ZSWIM9: variants seen among roughly 807,000 people sequenced by gnomAD.
The protein encoded by ZSWIM9 is zinc finger SWIM-type containing 9, also known as uncharacterized protein ZSWIM9.
Under a neutral mutation model 25.0 loss-of-function variants are expected in ZSWIM9, and 11 were observed. That is an observed-to-expected ratio of 0.44 (90% CI 0.28 to 0.73). The LOEUF is 0.73. Ranked by LOEUF, ZSWIM9 falls within the 30% of genes least tolerant of loss-of-function variation. The probability of loss-of-function intolerance (pLI) is 0.16; values close to 1 mark genes in which losing one functional copy is unlikely to be tolerated. For synonymous variants in ZSWIM9, 562 were observed against 582.1 expected (o/e 0.97, Z 0.50); for missense variants, 1,070 against 1,296.5 (o/e 0.83, Z 2.68).
At position 48,182,791 on chromosome 19, in the gene ZSWIM9, C is replaced by T. The variant is rs556541283; in HGVS notation, c.588+24C>T. 33 of 1,500,966 alleles carry T rather than the reference C, an allele frequency of 2.2e-5. No homozygotes were observed. The highest frequency in any genetic ancestry group is 1.8e-4 in the Middle Eastern group (1 of 5,706). 93.0% of individuals were successfully genotyped at this position (1,500,966 alleles called of 1,614,324 possible). A position where few individuals can be genotyped will look rare whatever the true frequency, so the allele number is the denominator to read the frequency against. On this transcript the variant is annotated intron_variant, in intron 3 of 3. Coordinates refer to ENST00000614654, the MANE Select transcript of ZSWIM9 (RefSeq NM_199341.4). The surrounding 1 kb of genome is among the most constrained non-coding windows in gnomAD (Gnocchi z 4.6). ...AGGTGGGGTCTCGAGAGAGGCAGGC[C>T]GGGGGAGGGGGCGGGGGAAAGCCGC... is the stretch of plus-strand genomic sequence containing the variant.
chr19:48,192,402 A>G (rs1299169990), intron 3 of ZSWIM9, among the ~76,000 whole-genome samples: 1 of 137,984 alleles, frequency 7.2e-6, no homozygotes, highest in African/African-American at 2.7e-5. Flanking sequence ...GTGAGCCAAG[A>G]TCACGCCACT....
At chr19:48,188,432 T>C (rs1312286316) in intron 3 of ZSWIM9, among the ~76,000 whole-genome samples, 3 of 151,976 alleles carry the variant, frequency 2.0e-5, no homozygotes, top group Admixed American at 6.5e-5. Flanking sequence ...TTTCATCATG[T>C]TGGCCAGAAT....
In ZSWIM9 at chr19:48,170,703, C is replaced by A. The variant is rs570490312; in HGVS notation, c.-21C>A. ...GCATTGTGGGAGGTGGACGCCGCTC[C>A]GGGGCGGGTAGGTGAGTGGGGAGGG... On this transcript the variant is annotated 5_prime_UTR_variant, in exon 1 of 4. Transcript: ENST00000614654. 4 of 156,488 alleles carry A rather than the reference C, an allele frequency of 2.6e-5. No individual in the cohort carries two copies. Among genetic ancestry groups the A allele is most frequent in the Non-Finnish European group, 3.8e-5 (3 of 79,398 alleles). 9.7% of individuals were successfully genotyped at this position (156,488 alleles called of 1,614,324 possible).
At chr19:48,191,583 T>C (rs886893124) in intron 3 of ZSWIM9, among the ~76,000 whole-genome samples, 2 of 152,182 alleles carry the variant, frequency 1.3e-5, no homozygotes, top group Non-Finnish European at 2.9e-5. Context: ...TCTGATCACA[T>C]GGAAAAGGGA....
intron 2 of ZSWIM9, 112 bp downstream of exon 2, chr19:48,172,189 C>A: frequency 9.4e-7 from 1 of 1,059,788 alleles, no homozygotes; most frequent in Non-Finnish European, 1.3e-6. Context: ...GGGGAGAGGC[C>A]AACTGAGGCA....
chr19:48,183,334 A>T (rs913398849), intron 3 of ZSWIM9, among the ~76,000 whole-genome samples: 1 of 151,914 alleles, frequency 6.6e-6, no homozygotes, highest in Non-Finnish European at 1.5e-5. Context: ...TCACCATGTT[A>T]GCCAGGATGG....
At chr19:48,187,225 A>G (rs1175337304) in intron 3 of ZSWIM9, among the ~76,000 whole-genome samples, 2 of 148,776 alleles carry the variant, frequency 1.3e-5, no homozygotes, top group Non-Finnish European at 3.0e-5. Flanking sequence ...ATTTTAAAAA[A>G]AAGATGTAAT....
intron 2 of ZSWIM9, among the ~76,000 whole-genome samples, chr19:48,172,992 G>C (rs1008599791): frequency 2.6e-5 from 4 of 152,156 alleles, no homozygotes; most frequent in African/African-American, 9.7e-5. Context: ...CTGGGAGACA[G>C]AGACTGGGAG....
intron 3 of ZSWIM9, among the ~76,000 whole-genome samples, chr19:48,190,148 G>A (rs2037077114): frequency 6.6e-6 from 1 of 150,842 alleles, no homozygotes; most frequent in Non-Finnish European, 1.5e-5. Context: ...AGGTCGCAGT[G>A]AGCCGAGATC....
intron 1 of ZSWIM9, chr19:48,171,147 C>A: frequency 1.3e-6 from 1 of 786,468 alleles, no homozygotes; most frequent in South Asian, 5.8e-5. Flanking sequence ...CTCAGGGAAG[C>A]CCCAGCTACA....
intron 3 of ZSWIM9, chr19:48,189,530 T>C (rs188638402): frequency 8.6e-4 from 132 of 153,474 alleles, no homozygotes; most frequent in African/African-American, 3.0e-3. Flanking sequence ...ATCGTGCTAC[T>C]GCACTCCAGC....
chr19:48,171,826 C>G lies in ZSWIM9; in HGVS notation c.24C>G (p.Pro8=). ...GGATGGAGCGGCCGGAGCCCCCACC[C>G]GGCACGGCTGCGGGGCAGGAGGAGC... MERPEPP[P]GTAAGQEEQE... is the part of the protein sequence containing the mutation. The change falls in exon 2 of 4, where the codon CCC becomes CCG. Residue 8 remains proline (P), a synonymous_variant. Transcript: ENST00000614654. The G allele has an allele frequency of 3.3e-6, 5 of 1,533,568 alleles. No homozygotes were observed. Among genetic ancestry groups the G allele is most frequent in the Non-Finnish European group, 4.4e-6 (5 of 1,145,900 alleles). 95.0% of individuals were successfully genotyped at this position (1,533,568 alleles called of 1,614,324 possible).
At chr19:48,193,024 T>A (rs1270183749) in intron 3 of ZSWIM9, 1 of 155,422 alleles carries the variant, frequency 6.4e-6, no homozygotes, top group Non-Finnish European at 1.5e-5. Flanking sequence ...TACTTGGGCC[T>A]TGGTGTCCAG....
intron 3 of ZSWIM9, among the ~76,000 whole-genome samples, chr19:48,193,747 A>G (rs2037125626): frequency 1.3e-5 from 2 of 152,232 alleles, no homozygotes. Context: ...TATTTGTTGG[A>G]TAAGTAATAA....
At chr19:48,176,119 T>A (rs1176125554) in intron 2 of ZSWIM9, among the ~76,000 whole-genome samples, 2 of 152,072 alleles carry the variant, frequency 1.3e-5, no homozygotes, top group Non-Finnish European at 2.9e-5. Flanking sequence ...GGCAGGAGAA[T>A]CACTTGAACC....
At chr19:48,172,132 GT>G in intron 2 of ZSWIM9, 55 bp downstream of exon 2, 4 of 1,110,874 alleles carry the variant, frequency 3.6e-6, no homozygotes, top group Non-Finnish European at 5.0e-6. Flanking sequence ...CCGGGGGTGG[GT>G]GTGGGTGGGA....
intron 1 of ZSWIM9, 119 bp from the exon 2 acceptor site, chr19:48,171,675 G>A (rs895032077): frequency 1.2e-5 from 12 of 1,007,320 alleles, no homozygotes; most frequent in African/African-American, 1.6e-5. Flanking sequence ...GTCCGACCCC[G>A]GGCTACCCAC....
chr19:48,184,937 A>G (rs1368301010), intron 3 of ZSWIM9, among the ~76,000 whole-genome samples: 2 of 151,948 alleles, frequency 1.3e-5, no homozygotes, highest in African/African-American at 2.4e-5. Flanking sequence ...ACTCTCCTCC[A>G]CTACCCACCA....
At position 48,197,379 on chromosome 19, in the gene ZSWIM9, C is replaced by T. The variant is rs1012471267; in HGVS notation, c.*552C>T. The T allele has an allele frequency of 2.0e-5, 13 of 666,118 alleles. No homozygotes were observed. Among genetic ancestry groups the T allele is most frequent in the Non-Finnish European group, 2.2e-5 (8 of 366,852 alleles). 41.3% of individuals were successfully genotyped at this position (666,118 alleles called of 1,614,324 possible). A position where few individuals can be genotyped will look rare whatever the true frequency, so the allele number is the denominator to read the frequency against. Reference sequence around the variant, plus strand: ...CTGGGGGAAGCAGGAGAGGAAGGGACGGGATGTAGGAGGGGGAAGAAAAAT... The same window carrying T: ...CTGGGGGAAGCAGGAGAGGAAGGGATGGGATGTAGGAGGGGGAAGAAAAAT... On this transcript the variant is annotated 3_prime_UTR_variant, in exon 4 of 4. Transcript: ENST00000614654.
Sources: allele counts gnomAD v4.1 joint callset (sites outside exome capture counted in the v4.1 genomes callset), GRCh38; gene constraint gnomAD v4.1.1; non-coding constraint Gnocchi (gnomAD v3.1); transcripts MANE v1.5; gene names NCBI Gene and HGNC (gene_info 2026-07-23, HGNC 2026-07-21).